The following UNC5C variants were observed in gnomAD, a reference collection of about 807,000 sequenced individuals.
UNC5C encodes unc-5 netrin receptor C.
A neutral mutation model predicts 99.8 loss-of-function variants in UNC5C; 47 were observed. The ratio of observed to expected loss-of-function variants is 0.47; its 90% CI spans 0.37 to 0.60. UNC5C has a LOEUF of 0.60. Among genes scored for constraint, UNC5C ranks in the 20% least tolerant of loss-of-function variants. The pLI is 0.00. For missense variants in UNC5C, 1,062 were observed against 1,165.9 expected (o/e 0.91, Z 1.30); for synonymous variants, 487 against 452.2 (o/e 1.08, Z -0.98).
intron 1 of UNC5C, among the ~76,000 whole-genome samples, chr4:95,509,864 A>G (rs537666677): frequency 2.6e-5 from 4 of 151,956 alleles, no homozygotes; most frequent in Non-Finnish European, 4.4e-5. Flanking sequence ...AATTGTCAGT[A>G]GTTTCCTAAG....
intron 1 of UNC5C, among the ~76,000 whole-genome samples, chr4:95,462,105 G>A (rs3846452): frequency 0.34 from 52,056 of 151,756 alleles, 10,217 homozygotes; most frequent in Admixed American, 0.43. Context: ...ATATAACCGC[G>A]TTCAAGAAAA....
At chr4:95,260,831 A>G (rs1384825697) in intron 4 of UNC5C, among the ~76,000 whole-genome samples, 1 of 152,132 alleles carries the variant, frequency 6.6e-6, no homozygotes, top group Non-Finnish European at 1.5e-5. Context: ...AAGTTGCCCA[A>G]GGGTAAAAAA....
At chr4:95,431,931 T>A (rs887201244) in intron 1 of UNC5C, among the ~76,000 whole-genome samples, 2 of 152,066 alleles carry the variant, frequency 1.3e-5, no homozygotes, top group Non-Finnish European at 2.9e-5. Context: ...AACAAATTGC[T>A]TCCCTCATTT....
At chr4:95,413,071 T>G (rs571151151) in intron 1 of UNC5C, among the ~76,000 whole-genome samples, 1 of 152,194 alleles carries the variant, frequency 6.6e-6, no homozygotes, top group Non-Finnish European at 1.5e-5. Context: ...ATGAATCCCA[T>G]GTGACCCTCT....
intron 1 of UNC5C, among the ~76,000 whole-genome samples, chr4:95,481,532 A>G (rs2149477967): frequency 6.6e-6 from 1 of 152,180 alleles, no homozygotes; most frequent in East Asian, 1.9e-4. Context: ...ATGGAACCAA[A>G]AAAGAGCCCA....
chr4:95,321,092 T>C (rs1196411773), intron 2 of UNC5C, among the ~76,000 whole-genome samples: 1 of 152,170 alleles, frequency 6.6e-6, no homozygotes, highest in Non-Finnish European at 1.5e-5. Flanking sequence ...GCAATAAATA[T>C]ATGCTAGTAA....
intron 14 of UNC5C, among the ~76,000 whole-genome samples, chr4:95,176,053 C>T (rs1228409630): frequency 1.3e-5 from 2 of 151,646 alleles, no homozygotes; most frequent in African/African-American, 4.9e-5. Flanking sequence ...GAGGCTTCTG[C>T]ATTCTTCACG....
chr4:95,202,993 TAAGTC>T, intron 11 of UNC5C, 29 bp from the exon 12 acceptor site: 1 of 1,611,010 alleles, frequency 6.2e-7, no homozygotes, highest in Non-Finnish European at 8.5e-7. Flanking sequence ...GGGCCATGGC[TAAGTC>T]ACCCAGGACG....
chr4:95,520,432 A>C (rs555369171), intron 1 of UNC5C, among the ~76,000 whole-genome samples: 1 of 152,262 alleles, frequency 6.6e-6, no homozygotes, highest in East Asian at 1.9e-4. Context: ...AATGGTGAAA[A>C]TATGATGGAA....
intron 3 of UNC5C, among the ~76,000 whole-genome samples, chr4:95,294,341 G>C (rs1741596328): frequency 1.3e-5 from 2 of 152,178 alleles, no homozygotes; most frequent in Admixed American, 1.3e-4. Flanking sequence ...TGAAAATGAT[G>C]AGTGAGCTGT....
At chr4:95,427,727 A>T (rs1746523698) in intron 1 of UNC5C, among the ~76,000 whole-genome samples, 1 of 152,188 alleles carries the variant, frequency 6.6e-6, no homozygotes, top group Non-Finnish European at 1.5e-5. Flanking sequence ...AAACCAAAAA[A>T]TTCACGTGAC....
chr4:95,466,235 T>A (rs892556972), intron 1 of UNC5C, among the ~76,000 whole-genome samples: 5 of 152,110 alleles, frequency 3.3e-5, no homozygotes, highest in Non-Finnish European at 7.4e-5. Flanking sequence ...GAGTACCTAC[T>A]CATAGAGTCA....
At chr4:95,232,143 T>C (rs1738935690) in intron 7 of UNC5C, among the ~76,000 whole-genome samples, 1 of 152,032 alleles carries the variant, frequency 6.6e-6, no homozygotes, top group African/African-American at 2.4e-5. Context: ...AGTTCATTAA[T>C]ATCAAACTCA....
chr4:95,178,088 G>A (rs755362849), intron 14 of UNC5C, among the ~76,000 whole-genome samples: 24 of 152,122 alleles, frequency 1.6e-4, no homozygotes, highest in East Asian at 1.3e-3. Flanking sequence ...GAATGCAGTC[G>A]GACATGGAGT....
intron 1 of UNC5C, among the ~76,000 whole-genome samples, chr4:95,466,858 G>A (rs1747796150): frequency 1.3e-5 from 2 of 152,190 alleles, no homozygotes; most frequent in Admixed American, 1.3e-4. Context: ...CATTCAAGAG[G>A]TGGAGTCTAA....
rs946288919 is a variant in UNC5C, at chr4:95,167,120, A to G, written c.*2114T>C. ...CATCAAGGAATCTCAAGATGCTACC[A>G]AAATAGGAGCGGAAACATGGAAAGA... On this transcript the variant is annotated 3_prime_UTR_variant, in exon 16 of 16. Coordinates refer to ENST00000453304, the MANE Select transcript of UNC5C (RefSeq NM_003728.4). 6.6e-6 allele frequency: 1 copy of G among 152,238 alleles called. No individual in the cohort carries two copies. The highest frequency in any genetic ancestry group is 6.5e-5 in the Admixed American group (1 of 15,284). The allele number at this position is 152,238 out of a possible 1,614,324, so 9.4% of individuals were successfully genotyped here.
intron 2 of UNC5C, among the ~76,000 whole-genome samples, chr4:95,334,215 A>T (rs1743239075): frequency 6.6e-6 from 1 of 151,972 alleles, no homozygotes; most frequent in Admixed American, 6.6e-5. Context: ...TCAATATGCT[A>T]TTTATCTTGT....
intron 1 of UNC5C, among the ~76,000 whole-genome samples, chr4:95,443,715 C>A (rs1044154184): frequency 1.3e-5 from 2 of 151,902 alleles, no homozygotes; most frequent in African/African-American, 4.8e-5. Context: ...AGAATTCTAT[C>A]AATATTAAGG....
chr4:95,363,433 A>G (rs2626045), intron 1 of UNC5C, among the ~76,000 whole-genome samples: 89,523 of 152,044 alleles, frequency 0.59, 28,091 homozygotes, highest in African/African-American at 0.8. Flanking sequence ...TGACTCAGAG[A>G]TCGTTTACAA....
Sources: allele counts gnomAD v4.1 joint callset (sites outside exome capture counted in the v4.1 genomes callset), GRCh38; gene constraint gnomAD v4.1.1; transcripts MANE v1.5; gene names NCBI Gene and HGNC (gene_info 2026-07-23, HGNC 2026-07-21).